Variants in C8orf58 observed in about 807,000 individuals in gnomAD.
The protein encoded by C8orf58 is chromosome 8 open reading frame 58, also known as uncharacterized protein C8orf58.
In C8orf58, 31 loss-of-function variants were observed where a neutral mutation model predicts 36.8. That is an observed-to-expected ratio of 0.84 (90% CI 0.63 to 1.14). The LOEUF (loss-of-function observed/expected upper bound fraction) is 1.14. Ranked by LOEUF, C8orf58 falls within the 50% of genes most tolerant of loss-of-function variation. The pLI, the probability that C8orf58 is intolerant of heterozygous loss-of-function variation, is 0.00. For synonymous variants in C8orf58, 230 were observed against 200.2 expected, an observed-to-expected ratio of 1.15 and a Z score of -1.26; for missense variants, 538 against 480.8, an observed-to-expected ratio of 1.12 and a Z score of -1.11.
chr8:22,601,120 T>C lies in C8orf58; in HGVS notation c.279T>C (p.Phe93=), dbSNP rs1800841525. The C allele has an allele frequency of 2.5e-6, 4 of 1,612,030 alleles. No individual in the cohort carries two copies. Among genetic ancestry groups the C allele is most frequent in the Admixed American group, 3.3e-5 (2 of 59,990 alleles). Residue 93 remains phenylalanine, a synonymous_variant, in exon 2 of 7, where the codon TTT becomes TTC. Transcript: ENST00000289989. Reference sequence around the variant, plus strand: ...GCCTTTCTCAGGACTCCCTGGACTTTGAATCCTCAGGGAGTTCTGAGCCCC... The same window carrying C: ...GCCTTTCTCAGGACTCCCTGGACTTCGAATCCTCAGGGAGTTCTGAGCCCC... ...LPGLSQDSLD[F]ESSGSSEPPA... is the part of the protein sequence containing the mutation.
Position 22,599,776 on chromosome 8 carries a change from C to T in C8orf58, c.40+16C>T, listed in dbSNP as rs1019748321. 241 of 1,207,312 alleles carry T rather than the reference C, an allele frequency of 2.0e-4. 1 individual carries two copies. Among genetic ancestry groups the T allele is most frequent in the Middle Eastern group, 1.9e-3 (6 of 3,150 alleles). 74.8% of individuals were successfully genotyped at this position (1,207,312 alleles called of 1,614,324 possible). ...GACGGCCGGGGTGAGTCACCCACCCCCAGGCTGGCCGGGCTCCCCCCTGCC... is the reference window on the plus strand; with the variant it reads ...GACGGCCGGGGTGAGTCACCCACCCTCAGGCTGGCCGGGCTCCCCCCTGCC... On this transcript the variant is annotated intron_variant, in intron 1 of 6. Transcript: ENST00000289989.
At chr8:22,601,401 G>A in intron 2 of C8orf58, 44 bp downstream of exon 2, 1 of 1,428,218 alleles carries the variant, frequency 7.0e-7, no homozygotes, top group Non-Finnish European at 9.4e-7. Context: ...GGGATGGACA[G>A]CCTAGCTCCT....
chr8:22,600,256 G>C (rs149149209), intron 1 of C8orf58: 1 of 158,762 alleles, frequency 6.3e-6, no homozygotes, highest in African/African-American at 2.4e-5. Flanking sequence ...GACAGTGAGG[G>C]GGTGCTAATG....
chr8:22,602,133 A>G, intron 4 of C8orf58, 53 bp downstream of exon 4: 1 of 1,550,862 alleles, frequency 6.4e-7, no homozygotes, highest in Non-Finnish European at 8.7e-7. Flanking sequence ...TCCCACCAGC[A>G]GGTCCTCTGA....
In C8orf58 at chr8:22,602,158, G is replaced by C. The variant is rs371849014; in HGVS notation, c.767-42G>C. 20 of 1,561,156 alleles carry C rather than the reference G, an allele frequency of 1.3e-5. No homozygotes were observed. In the Admixed American group the frequency reaches 1.7e-4, roughly 13 times the overall value. On this transcript the variant is annotated intron_variant, in intron 4 of 6. Coordinates refer to ENST00000289989, the MANE Select transcript of C8orf58 (RefSeq NM_001013842.3). ...AGGTCCTCTGAGCCGAAGCTTGATG[G>C]GGTGTCTTCTGGCCCTGGCCAACCT...
At chr8:22,603,041 T>A in intron 6 of C8orf58, 154 bp from the exon 7 acceptor site, 1 of 626,296 alleles carries the variant, frequency 1.6e-6, no homozygotes, top group Non-Finnish European at 2.8e-6. Context: ...ATTGAATCGT[T>A]CTCCAGGAGG....
chr8:22,600,479 C>T (rs1800814828), intron 1 of C8orf58: 2 of 209,066 alleles, frequency 9.6e-6, no homozygotes, highest in Admixed American at 5.4e-5. Context: ...CCTCTCTGTA[C>T]CCTCTCCCCT....
Position 22,601,081 on chromosome 8 carries a change from G to T in C8orf58, c.240G>T (p.Leu80=), listed in dbSNP as rs1266890449. The T allele has an allele frequency of 6.2e-7, 1 of 1,612,672 alleles. No homozygotes were observed. Among genetic ancestry groups the T allele is most frequent in the South Asian group, 1.1e-5 (1 of 91,064 alleles). ...GVEMAVGDSP[L]AALPGLSQDS... ...AGATGGCAGTTGGGGACAGCCCCCTGGCCGCCTTACCGGGCCTTTCTCAGG... is the reference window on the plus strand; with the variant it reads ...AGATGGCAGTTGGGGACAGCCCCCTTGCCGCCTTACCGGGCCTTTCTCAGG... Residue 80 remains leucine, a synonymous_variant, in exon 2 of 7, where the codon CTG becomes CTT. Transcript: ENST00000289989.
In C8orf58 at chr8:22,601,732, A is replaced by G. The variant is rs971968918; in HGVS notation, c.537A>G (p.Gly179=). 1.2e-6 allele frequency: 2 copies of G among 1,610,500 alleles called. No homozygotes were observed. Among genetic ancestry groups the G allele is most frequent in the Non-Finnish European group, 1.7e-6 (2 of 1,178,964 alleles). The part of the protein sequence containing the change: ...EEEAVGGLGP[G]AWACLPGQGL... ...CACAGGTGGGGGGCCTGGGGCCTGG[A>G]GCCTGGGCCTGCCTCCCCGGGCAGG... Residue 179 remains glycine, a synonymous_variant, in exon 3 of 7, where the codon GGA becomes GGG. Transcript: ENST00000289989.
At position 22,602,001 on chromosome 8, in the gene C8orf58, C is replaced by A; in HGVS notation, c.687C>A (p.Ala229=). Residue 229 remains alanine (A), a synonymous_variant, in exon 4 of 7, where the codon GCC becomes GCA. Transcript: ENST00000289989. ...GDPGEEESTR[A]PLPSPLHTPG... ...CCGGCGAGGAGGAGTCGACCCGAGC[C>A]CCTTTACCGTCCCCGTTACACACCC... The A allele has an allele frequency of 6.4e-7, 1 of 1,565,548 alleles. No homozygotes were observed. The highest frequency in any genetic ancestry group is 8.7e-7 in the Non-Finnish European group (1 of 1,152,090).
chr8:22,601,670 C>A (rs1800860934), intron 2 of C8orf58, 42 bp from the exon 3 acceptor site: 1 of 1,564,060 alleles, frequency 6.4e-7, no homozygotes, highest in Non-Finnish European at 8.6e-7. Flanking sequence ...AGGGCAGGAG[C>A]CCTACTGGCT....
Position 22,602,629 on chromosome 8 carries a change from T to C in C8orf58, c.972T>C (p.Asp324=). 2 of 1,553,608 alleles carry C rather than the reference T, an allele frequency of 1.3e-6. No homozygotes were observed. The highest frequency in any genetic ancestry group is 8.7e-7 in the Non-Finnish European group (1 of 1,145,492). ...ACCCTGAGCCCCCTGCCCCTCCTGA[T>C]GGCTCTGACCCCAGGTGAGCCCCGT... ...HHHPEPPAPP[D]GSDPRIESRD... is the part of the protein sequence containing the mutation. The change falls in exon 6 of 7, where the codon GAT becomes GAC. Residue 324 remains aspartate, a synonymous_variant. Coordinates refer to ENST00000289989, the MANE Select transcript of C8orf58 (RefSeq NM_001013842.3).
chr8:22,599,826 C>A, intron 1 of C8orf58, 66 bp downstream of exon 1: 1 of 737,170 alleles, frequency 1.4e-6, no homozygotes, highest in Non-Finnish European at 1.9e-6. Context: ...CGCCCCCAAG[C>A]CGGGCACCCT....
intron 1 of C8orf58, chr8:22,600,172 C>T (rs1800807659): frequency 5.8e-6 from 1 of 172,898 alleles, no homozygotes; most frequent in South Asian, 2.0e-4. Flanking sequence ...GCAGCTCGTC[C>T]CCGCCCCCCT....
chr8:22,601,685 T>C, intron 2 of C8orf58, 27 bp from the exon 3 acceptor site: 1 of 1,578,782 alleles, frequency 6.3e-7, no homozygotes, highest in Admixed American at 1.9e-5. Flanking sequence ...CTGGCTGAAA[T>C]CTCCCCTATC....
chr8:22,602,917 C>T, intron 6 of C8orf58: 1 of 584,888 alleles, frequency 1.7e-6, no homozygotes, highest in Non-Finnish European at 3.0e-6. Context: ...CCTAGCTCAG[C>T]AACCCCTCAC....
In C8orf58 at chr8:22,599,613, C is replaced by G. The variant is rs1800791390; in HGVS notation, c.-108C>G. The stretch of plus-strand genomic sequence containing the variant: ...CCCCGCTGGGAGTGTCTGGGGGCCG[C>G]GCCCAGCTGGGTCGGGACGCGCTCC... On this transcript the variant is annotated 5_prime_UTR_variant, in exon 1 of 7. Transcript: ENST00000289989. The G allele has an allele frequency of 2.0e-6, 1 of 502,194 alleles. No individual in the cohort carries two copies. The highest frequency in any genetic ancestry group is 2.3e-5 in the African/African-American group (1 of 43,156). The allele number at this position is 502,194 out of a possible 1,614,324, so 31.1% of individuals were successfully genotyped here.
chr8:22,601,041 G>C lies in C8orf58; in HGVS notation c.200G>C (p.Arg67Pro), dbSNP rs772012529. 1.2e-6 allele frequency: 2 copies of C among 1,612,710 alleles called. No individual in the cohort carries two copies. Among genetic ancestry groups the C allele is most frequent in the African/African-American group, 1.3e-5 (1 of 74,940 alleles). ...GCACTCTTTCTCAAACTGGCCTCCC[G>C]GGACTCAGGAGTGGAGATGGCAGTT... ...REALFLKLAS[R>P]DSGVEMAVGD... Residue 67 changes from arginine to proline, a missense_variant, in exon 2 of 7, where the codon CGG becomes CCG. By Grantham distance (103) the Arg-to-Pro change is moderately radical. Transcript: ENST00000289989.
Position 22,600,914 on chromosome 8 carries a change from A to G in C8orf58, c.73A>G (p.Ile25Val), listed in dbSNP as rs1310072172. The G allele has an allele frequency of 1.2e-6, 2 of 1,611,050 alleles. No individual in the cohort carries two copies. The change falls in exon 2 of 7, where the codon ATA becomes GTA. Residue 25 changes from isoleucine to valine, a missense_variant. Transcript: ENST00000289989. ...GAGEGLARGC[I>V]VPGVTSTYRR... ...TGGCGAGGGCCTGGCACGGGGCTGCATAGTGCCTGGAGTCACCAGCACCTA... is the reference window on the plus strand; with the variant it reads ...TGGCGAGGGCCTGGCACGGGGCTGCGTAGTGCCTGGAGTCACCAGCACCTA...
Sources: allele counts gnomAD v4.1 joint callset, GRCh38; gene constraint gnomAD v4.1.1; transcripts MANE v1.5; gene names NCBI Gene and HGNC (gene_info 2026-07-23, HGNC 2026-07-21).